Variants in POU6F2 observed in about 807,000 individuals in gnomAD.
POU6F2 encodes the protein POU domain, class 6, transcription factor 2.
A neutral mutation model predicts 71.3 loss-of-function variants in POU6F2; 31 were observed. The ratio of observed to expected loss-of-function variants is 0.43; its 90% CI spans 0.33 to 0.59. POU6F2 has a LOEUF of 0.59. Among genes scored for constraint, POU6F2 ranks in the 20% least tolerant of loss-of-function variants. The pLI, the probability that POU6F2 is intolerant of heterozygous loss-of-function variation, is 0.04. For synonymous variants in POU6F2, 347 were observed against 355.7 expected, an observed-to-expected ratio of 0.98 and a Z score of 0.27; for missense variants, 783 against 856.8, an observed-to-expected ratio of 0.91 and a Z score of 1.07.
rs139878114 is a variant in POU6F2, at chr7:39,128,682, T to C, written c.277+42651T>C. On this transcript the variant is annotated intron_variant, in intron 2 of 9. Coordinates refer to ENST00000518318, the MANE Select transcript of POU6F2 (RefSeq NM_001370959.1). ...GGTGGTATTTTATTCTTATTCAATG[T>C]GTTTATTGCTAGGAAACAAGAAAGA... Among the ~76,000 whole-genome samples, 451 of 152,350 alleles carry C rather than the reference T, an allele frequency of 3.0e-3. 1 individual carries two copies. Among genetic ancestry groups the C allele is most frequent in the African/African-American group, 0.01 (427 of 41,590 alleles).
At chr7:39,424,733 A>G (rs77300104) in intron 6 of POU6F2, among the ~76,000 whole-genome samples, 3,739 of 152,210 alleles carry the variant, frequency 0.025, 74 homozygotes, top group Non-Finnish European at 0.038. Context: ...AAAAGAGAAC[A>G]TGGCAAATCT....
intron 2 of POU6F2, among the ~76,000 whole-genome samples, chr7:39,131,254 C>T (rs1018200718): frequency 1.4e-4 from 21 of 152,300 alleles, no homozygotes; most frequent in African/African-American, 4.6e-4. Flanking sequence ...ATTACTCCAG[C>T]TCCTCCACCA....
intron 1 of POU6F2, among the ~76,000 whole-genome samples, chr7:39,017,813 C>CGTATGTGTGT (rs1554308522): frequency 6.8e-6 from 1 of 147,924 alleles, no homozygotes; most frequent in Non-Finnish European, 1.5e-5. Context: ...ATTGTGCATG[C>CGTATGTGTGT]GTGTGTGTGT....
intron 8 of POU6F2, among the ~76,000 whole-genome samples, chr7:39,458,661 A>G (rs1033566015): frequency 1.3e-5 from 2 of 152,012 alleles, no homozygotes; most frequent in Non-Finnish European, 2.9e-5. Flanking sequence ...GTTTTGGGAG[A>G]AAAAAACAGG....
chr7:39,260,833 GAC>G (rs766163740), intron 4 of POU6F2, among the ~76,000 whole-genome samples: 1 of 150,084 alleles, frequency 6.7e-6, no homozygotes, highest in Non-Finnish European at 1.5e-5. Context: ...ACATACCACA[GAC>G]ACACACAATG....
chr7:39,198,609 G>A (rs780826844), intron 2 of POU6F2, among the ~76,000 whole-genome samples: 15 of 152,142 alleles, frequency 9.9e-5, no homozygotes, highest in East Asian at 1.9e-4. Context: ...TTGCAAAAAC[G>A]TACAAACCAT....
rs149333829 is a variant in POU6F2, at chr7:39,306,019, T to C, written c.599-33623T>C. ...TTTCTTTCCCTTTAAAAAAAAAATC[T>C]ATAGTTACTTAACTGTAGAGAGAAA... On this transcript the variant is annotated intron_variant, in intron 4 of 9. Coordinates refer to ENST00000518318, the MANE Select transcript of POU6F2 (RefSeq NM_001370959.1). 3.1e-3 allele frequency among the ~76,000 whole-genome samples: 471 copies of C among 151,118 alleles called. 2 individuals are homozygous for C. The highest frequency in any genetic ancestry group is 0.011 in the African/African-American group (454 of 41,182).
chr7:39,131,519 G>A (rs1218120649), intron 2 of POU6F2, among the ~76,000 whole-genome samples: 1 of 152,100 alleles, frequency 6.6e-6, no homozygotes, highest in African/African-American at 2.4e-5. Context: ...TGACCGAGGC[G>A]GCCACCCTTT....
At position 39,198,289 on chromosome 7, in the gene POU6F2, G is replaced by A. The variant is rs146184659; in HGVS notation, c.278-5946G>A. 1.7e-3 allele frequency among the ~76,000 whole-genome samples: 265 copies of A among 152,252 alleles called. 2 individuals carry two copies. The highest frequency in any genetic ancestry group is 6.2e-3 in the African/African-American group (259 of 41,552). On this transcript the variant is annotated intron_variant, in intron 2 of 9. Coordinates refer to ENST00000518318, the MANE Select transcript of POU6F2 (RefSeq NM_001370959.1). ...TATAAAAAATGAAGCAATTATTGAGGAATTTTGGCAGAAAGTACAAAAACA... is the reference window on the plus strand; with the variant it reads ...TATAAAAAATGAAGCAATTATTGAGAAATTTTGGCAGAAAGTACAAAAACA...
rs534076342 is a variant in POU6F2, at chr7:38,999,012, G to A, written c.105+20954G>A. On this transcript the variant is annotated intron_variant, in intron 1 of 9. Coordinates refer to ENST00000518318, the MANE Select transcript of POU6F2 (RefSeq NM_001370959.1). ...TAAGGGTGAGTTGGAAGAGGGCAAG[G>A]GAAGAAAGAGTAGACCAACAATTAT... is the stretch of plus-strand genomic sequence containing the variant. Among the ~76,000 whole-genome samples, 6 of 152,020 alleles carry A rather than the reference G, an allele frequency of 3.9e-5. No individual in the cohort carries two copies. In the East Asian group the frequency reaches 1.2e-3, roughly 29 times the overall value.
At chr7:39,006,072 A>C (rs993508914) in intron 1 of POU6F2, among the ~76,000 whole-genome samples, 24 of 152,316 alleles carry the variant, frequency 1.6e-4, no homozygotes, top group Admixed American at 1.4e-3. Context: ...TTGGGGGGAC[A>C]TGATAAGGGG....
At chr7:39,422,443 G>C (rs1012907065) in intron 6 of POU6F2, among the ~76,000 whole-genome samples, 1 of 152,164 alleles carries the variant, frequency 6.6e-6, no homozygotes, top group African/African-American at 2.4e-5. Context: ...ATGTGCCCTT[G>C]TTATAAATAA....
At chr7:38,991,073 C>T (rs1788592388) in intron 1 of POU6F2, among the ~76,000 whole-genome samples, 1 of 151,974 alleles carries the variant, frequency 6.6e-6, no homozygotes, top group Admixed American at 6.6e-5. Context: ...GACTATGCTG[C>T]CCCCTGGTTA....
chr7:39,320,071 G>T (rs1785352304), intron 4 of POU6F2, among the ~76,000 whole-genome samples: 1 of 152,122 alleles, frequency 6.6e-6, no homozygotes, highest in South Asian at 2.1e-4. Context: ...AGATAATATG[G>T]CTTGCACCTT....
intron 4 of POU6F2, among the ~76,000 whole-genome samples, chr7:39,220,070 T>G (rs1186798977): frequency 6.6e-6 from 1 of 152,176 alleles, no homozygotes; most frequent in Non-Finnish European, 1.5e-5. Flanking sequence ...GCCAAATAAT[T>G]GAGAGTGAAA....
chr7:38,991,075 C>T (rs2116624415), intron 1 of POU6F2, among the ~76,000 whole-genome samples: 1 of 151,912 alleles, frequency 6.6e-6, no homozygotes, highest in East Asian at 1.9e-4. Flanking sequence ...CTATGCTGCC[C>T]CCTGGTTATT....
rs1784122949 is a variant in POU6F2 at position 39,260,810 on chromosome 7, TACATC to T, written c.598+53195_598+53199del. 2.0e-5 allele frequency among the ~76,000 whole-genome samples: 3 copies of T among 151,144 alleles called. No homozygotes were observed. The South Asian group carries it at 6.3e-4, about 32-fold the overall frequency. On this transcript the variant is annotated intron_variant, in intron 4 of 9. Coordinates refer to ENST00000518318, the MANE Select transcript of POU6F2 (RefSeq NM_001370959.1). ...CTTAAACACACATATATGACATACA[TACATC>T]ACATTACACATACCACAGACACACA...
intron 6 of POU6F2, among the ~76,000 whole-genome samples, chr7:39,431,346 T>G (rs1276830821): frequency 6.6e-6 from 1 of 152,210 alleles, no homozygotes; most frequent in Non-Finnish European, 1.5e-5. Context: ...TCCAGCAAGA[T>G]CTGTCACTGA....
intron 5 of POU6F2, among the ~76,000 whole-genome samples, chr7:39,403,442 G>C (rs569345450): frequency 6.6e-6 from 1 of 152,138 alleles, no homozygotes; most frequent in Non-Finnish European, 1.5e-5. Context: ...TTGAAAACAA[G>C]ACCATGTATT....
Sources: gnomAD v4.1 joint callset for allele counts (sites outside exome capture counted in the v4.1 genomes callset) on GRCh38, gnomAD v4.1.1 for gene constraint, MANE v1.5 for transcripts, NCBI Gene and HGNC (gene_info 2026-07-23, HGNC 2026-07-21) for gene names.